Variants in NLGN1 observed in about 807,000 individuals in gnomAD.
The protein encoded by NLGN1 is neuroligin-1.
NLGN1 carries 12 observed loss-of-function variants against 65.5 expected under a neutral mutation model. The observed-to-expected ratio is 0.18, with a 90% CI of 0.12 to 0.30. The LOEUF is 0.30. Among genes scored for constraint, NLGN1 ranks in the 10% least tolerant of loss-of-function variants. NLGN1 has a pLI of 1.00. For missense variants in NLGN1, 750 were observed against 1,007.1 expected, an observed-to-expected ratio of 0.74 and a Z score of 3.46; for synonymous variants, 350 against 359.5, an observed-to-expected ratio of 0.97 and a Z score of 0.30.
intron 4 of NLGN1, among the ~76,000 whole-genome samples, chr3:174,125,943 T>C (rs1320751500): frequency 6.6e-6 from 1 of 152,100 alleles, no homozygotes; most frequent in Non-Finnish European, 1.5e-5. Flanking sequence ...GCTTCTACTT[T>C]AGGGCAGACA....
intron 4 of NLGN1, among the ~76,000 whole-genome samples, chr3:173,891,370 T>C (rs1579022223): frequency 2.0e-5 from 3 of 152,332 alleles, no homozygotes; most frequent in Admixed American, 2.0e-4. Context: ...TGTAAGACTT[T>C]CAAGCTATCT....
intron 2 of NLGN1, among the ~76,000 whole-genome samples, chr3:173,596,408 A>G (rs1242087915): frequency 6.6e-6 from 1 of 152,218 alleles, no homozygotes; most frequent in African/African-American, 2.4e-5. Context: ...CTTCTGCCTT[A>G]TCTCTTTCTA....
At chr3:173,752,726 A>G (rs1310208877) in intron 3 of NLGN1, among the ~76,000 whole-genome samples, 3 of 151,980 alleles carry the variant, frequency 2.0e-5, no homozygotes, top group African/African-American at 7.2e-5. Flanking sequence ...CTTTAAATAT[A>G]CTCTCAACTT....
chr3:173,904,859 G>A (rs1360072674), intron 4 of NLGN1, among the ~76,000 whole-genome samples: 1 of 152,148 alleles, frequency 6.6e-6, no homozygotes, highest in East Asian at 1.9e-4. Flanking sequence ...TAAAGGAAAA[G>A]CTTACAATAG....
chr3:174,173,728 G>A (rs1728957227), intron 4 of NLGN1, among the ~76,000 whole-genome samples: 1 of 151,576 alleles, frequency 6.6e-6, no homozygotes, highest in South Asian at 2.1e-4. Context: ...GTGTGTGTGT[G>A]TGTTTCTCAG....
chr3:173,574,298 CTAAAG>C (rs977374046), intron 2 of NLGN1, among the ~76,000 whole-genome samples: 3 of 151,568 alleles, frequency 2.0e-5, no homozygotes, highest in South Asian at 2.1e-4. Flanking sequence ...CTTTTGATAA[CTAAAG>C]TATAGTTGAT....
At chr3:173,937,591 T>C (rs139319879) in intron 4 of NLGN1, among the ~76,000 whole-genome samples, 166 of 152,244 alleles carry the variant, frequency 1.1e-3, no homozygotes, top group African/African-American at 3.9e-3. Flanking sequence ...ACAGGACTTG[T>C]ATGCAGGAGA....
At chr3:173,812,845 A>G (rs941366085) in intron 4 of NLGN1, among the ~76,000 whole-genome samples, 1 of 148,790 alleles carries the variant, frequency 6.7e-6, no homozygotes, top group Admixed American at 6.7e-5. Context: ...TCAAATCAGT[A>G]ACACTTGTTT....
At chr3:173,837,427 G>T (rs935565474) in intron 4 of NLGN1, among the ~76,000 whole-genome samples, 1 of 152,014 alleles carries the variant, frequency 6.6e-6, no homozygotes, top group East Asian at 1.9e-4. Flanking sequence ...CATAGACAAG[G>T]CTTTGTTCTT....
chr3:173,494,342 TG>T (rs1486386800), intron 2 of NLGN1, among the ~76,000 whole-genome samples: 2 of 151,714 alleles, frequency 1.3e-5, no homozygotes, highest in South Asian at 2.1e-4. Flanking sequence ...TTTAGTGAAA[TG>T]TTTTTTTTTC....
chr3:173,541,392 A>C (rs1038202760), intron 2 of NLGN1, among the ~76,000 whole-genome samples: 1 of 152,152 alleles, frequency 6.6e-6, no homozygotes, highest in African/African-American at 2.4e-5. Flanking sequence ...AGGTATATTT[A>C]AGGCTTTGTG....
At chr3:173,589,573 G>A (rs1748095553) in intron 2 of NLGN1, among the ~76,000 whole-genome samples, 1 of 152,196 alleles carries the variant, frequency 6.6e-6, no homozygotes, top group South Asian at 2.1e-4. Context: ...TTGAATATTG[G>A]GCAACTATTT....
intron 3 of NLGN1, chr3:173,800,253 C>CTTTT: frequency 1.6e-6 from 1 of 609,846 alleles, no homozygotes; most frequent in Non-Finnish European, 2.3e-6. Context: ...CTTGAATTGT[C>CTTTT]TTTTTTTTTT....
chr3:173,944,009 C>CATGT (rs1746661919), intron 4 of NLGN1, among the ~76,000 whole-genome samples: 1 of 152,064 alleles, frequency 6.6e-6, no homozygotes, highest in Non-Finnish European at 1.5e-5. Context: ...ATTTGACAGA[C>CATGT]ATGTACAAAT....
chr3:173,657,724 A>G (rs1158833278), intron 3 of NLGN1, among the ~76,000 whole-genome samples: 1 of 151,926 alleles, frequency 6.6e-6, no homozygotes, highest in Non-Finnish European at 1.5e-5. Flanking sequence ...AAAGCCCCAG[A>G]TCTGGTTACT....
chr3:174,080,407 G>A (rs933270108), intron 4 of NLGN1, among the ~76,000 whole-genome samples: 2 of 152,190 alleles, frequency 1.3e-5, no homozygotes, highest in Admixed American at 6.5e-5. Context: ...AGGAAGTAAA[G>A]TACATTTGGA....
chr3:173,617,081 G>C (rs1753228212), intron 3 of NLGN1, among the ~76,000 whole-genome samples: 1 of 152,056 alleles, frequency 6.6e-6, no homozygotes, highest in African/African-American at 2.4e-5. Context: ...TGCACATGCT[G>C]ATCCTTCTAC....
rs117954487 is a variant in NLGN1, at chr3:174,087,734, A to G, written c.647-187581A>G. ...TAGTATGTTTATATTTGCCCACATAATTATTTGACACTTCATAATTGATCG... is the reference window on the plus strand; with the variant it reads ...TAGTATGTTTATATTTGCCCACATAGTTATTTGACACTTCATAATTGATCG... On this transcript the variant is annotated intron_variant, in intron 4 of 6. Coordinates refer to ENST00000457714, the Ensembl canonical transcript of NLGN1. 6.8e-4 allele frequency among the ~76,000 whole-genome samples: 104 copies of G among 152,266 alleles called. 1 individual carries two copies. In the East Asian group the frequency reaches 0.011, roughly 17 times the overall value.
intron 4 of NLGN1, among the ~76,000 whole-genome samples, chr3:174,223,290 G>A (rs1738998184): frequency 6.6e-6 from 1 of 152,074 alleles, no homozygotes; most frequent in South Asian, 2.1e-4. Flanking sequence ...TTCTTACTCT[G>A]ATTAATGTCT....
Sources: gnomAD v4.1 joint callset for allele counts (sites outside exome capture counted in the v4.1 genomes callset) on GRCh38, gnomAD v4.1.1 for gene constraint, MANE v1.5 for transcripts, NCBI Gene and HGNC (gene_info 2026-07-23, HGNC 2026-07-21) for gene names.